The following CAMKMT variants were observed in gnomAD, a reference collection of about 807,000 sequenced individuals.
CAMKMT encodes the protein calmodulin-lysine N-methyltransferase.
A neutral mutation model predicts 48.0 loss-of-function variants in CAMKMT; 53 were observed. That is an observed-to-expected ratio of 1.10 (90% CI 0.89 to 1.39). The LOEUF is 1.39. Among genes scored for constraint, CAMKMT ranks in the 40% most tolerant of loss-of-function variants. The probability of loss-of-function intolerance (pLI) is 0.00; values close to 1 mark genes in which losing one functional copy is unlikely to be tolerated. For synonymous variants in CAMKMT, 165 were observed against 152.3 expected (o/e 1.08, Z -0.61); for missense variants, 428 against 402.7 (o/e 1.06, Z -0.54).
At chr2:44,746,070 G>A (rs1308787420) in intron 8 of CAMKMT, among the ~76,000 whole-genome samples, 2 of 152,206 alleles carry the variant, frequency 1.3e-5, no homozygotes, top group Non-Finnish European at 2.9e-5. Context: ...TCAGTGTCAG[G>A]AAGAGGTGCC....
intron 3 of CAMKMT, among the ~76,000 whole-genome samples, chr2:44,467,654 A>G (rs1185227691): frequency 6.6e-6 from 1 of 152,218 alleles, no homozygotes; most frequent in African/African-American, 2.4e-5. Context: ...CTGGCATGAA[A>G]ACTAACATGT....
chr2:44,717,868 C>T (rs1191208303), intron 7 of CAMKMT, among the ~76,000 whole-genome samples: 1 of 151,710 alleles, frequency 6.6e-6, no homozygotes, highest in African/African-American at 2.4e-5. Flanking sequence ...AACAAGCTGC[C>T]CAGAAATTTG....
chr2:44,649,165 A>G (rs140416850), intron 3 of CAMKMT, among the ~76,000 whole-genome samples: 1 of 152,100 alleles, frequency 6.6e-6, no homozygotes, highest in Non-Finnish European at 1.5e-5. Flanking sequence ...GAGGGGGGGA[A>G]AATGGTTTGA....
At chr2:44,713,421 CTT>C (rs1677992215) in intron 6 of CAMKMT, among the ~76,000 whole-genome samples, 1 of 152,084 alleles carries the variant, frequency 6.6e-6, no homozygotes, top group African/African-American at 2.4e-5. Flanking sequence ...TCAGCTGACT[CTT>C]TACTAATTTT....
At position 44,653,856 on chromosome 2, in the gene CAMKMT, T is replaced by C. The variant is rs1674219325; in HGVS notation, c.377-50427T>C. ...CTGACACATAGTAGACATCAATTAATATTTGTTGAGTGAAAGAATGAAACC... is the reference window on the plus strand; with the variant it reads ...CTGACACATAGTAGACATCAATTAACATTTGTTGAGTGAAAGAATGAAACC... On this transcript the variant is annotated intron_variant, in intron 3 of 10. Transcript: ENST00000378494. The surrounding 1 kb of genome is among the most constrained non-coding windows in gnomAD (Gnocchi z 5.2). Among the ~76,000 whole-genome samples the C allele has an allele frequency of 6.6e-6, 1 of 152,218 alleles. No homozygotes were observed.
At chr2:44,632,727 C>A (rs1572960263) in intron 3 of CAMKMT, among the ~76,000 whole-genome samples, 1 of 152,150 alleles carries the variant, frequency 6.6e-6, no homozygotes, top group East Asian at 1.9e-4. Context: ...TCCCTTTAAT[C>A]TGGGCCGGCA....
intron 3 of CAMKMT, among the ~76,000 whole-genome samples, chr2:44,432,556 C>T (rs948735707): frequency 2.0e-5 from 3 of 152,156 alleles, no homozygotes; most frequent in Non-Finnish European, 4.4e-5. Flanking sequence ...CAAGGAGCCA[C>T]GAAGTAATTA....
intron 3 of CAMKMT, among the ~76,000 whole-genome samples, chr2:44,439,534 T>C (rs527282720): frequency 6.6e-6 from 1 of 152,234 alleles, no homozygotes; most frequent in African/African-American, 2.4e-5. Context: ...CTGCTGATAC[T>C]GGATTCAAGA....
chr2:44,641,162 C>A (rs1673432195), intron 3 of CAMKMT, among the ~76,000 whole-genome samples: 1 of 152,140 alleles, frequency 6.6e-6, no homozygotes, highest in Non-Finnish European at 1.5e-5. Context: ...ATATAAATAT[C>A]TTCTTAAATG....
At chr2:44,673,099 G>A (rs920823942) in intron 3 of CAMKMT, among the ~76,000 whole-genome samples, 1 of 151,912 alleles carries the variant, frequency 6.6e-6, no homozygotes, top group Non-Finnish European at 1.5e-5. Context: ...TGGCACTACG[G>A]GCAAAGGAAG....
chr2:44,414,435 G>A (rs188293017), intron 3 of CAMKMT, among the ~76,000 whole-genome samples: 22 of 152,208 alleles, frequency 1.4e-4, no homozygotes, highest in African/African-American at 5.3e-4. Flanking sequence ...TCACTCACAT[G>A]GTTGTTGGCA....
chr2:44,420,592 C>CT (rs1683871086), intron 3 of CAMKMT, among the ~76,000 whole-genome samples: 1 of 151,324 alleles, frequency 6.6e-6, no homozygotes, highest in Admixed American at 6.6e-5. Flanking sequence ...TTTTTCTCTT[C>CT]TTTTTGTGAA....
intron 3 of CAMKMT, among the ~76,000 whole-genome samples, chr2:44,403,503 G>T (rs941414249): frequency 6.6e-6 from 1 of 152,246 alleles, no homozygotes; most frequent in East Asian, 1.9e-4. Context: ...GTCCATCCTT[G>T]TACTCTACTC....
At chr2:44,693,484 C>T (rs572546550) in intron 3 of CAMKMT, among the ~76,000 whole-genome samples, 1 of 152,330 alleles carries the variant, frequency 6.6e-6, no homozygotes, top group African/African-American at 2.4e-5. Context: ...CTTCTGTGGA[C>T]CACTTCTTCC....
intron 3 of CAMKMT, among the ~76,000 whole-genome samples, chr2:44,495,433 C>T (rs914404679): frequency 3.9e-5 from 6 of 151,998 alleles, no homozygotes; most frequent in Admixed American, 6.5e-5. Flanking sequence ...TGTGAGCCAC[C>T]GTGCACAGCC....
At chr2:44,490,211 GTTTAA>G (rs1471810228) in intron 3 of CAMKMT, among the ~76,000 whole-genome samples, 1 of 152,100 alleles carries the variant, frequency 6.6e-6, no homozygotes, top group Admixed American at 6.5e-5. Flanking sequence ...ATTCCAAAGT[GTTTAA>G]TTATATAATT....
chr2:44,479,447 G>A (rs148771487), intron 3 of CAMKMT, among the ~76,000 whole-genome samples: 2 of 152,250 alleles, frequency 1.3e-5, no homozygotes, highest in Non-Finnish European at 2.9e-5. Flanking sequence ...AGATTCAGGC[G>A]GAAGTTGGAG....
chr2:44,400,816 A>C (rs1356634719), intron 3 of CAMKMT: 1 of 151,094 alleles, frequency 6.6e-6, no homozygotes, highest in Non-Finnish European at 1.5e-5. Flanking sequence ...TACTTATTTG[A>C]GTTAAAATTG....
In CAMKMT at chr2:44,451,128, A is replaced by T. The variant is rs1042514015; in HGVS notation, c.376+60823A>T. On this transcript the variant is annotated intron_variant, in intron 3 of 10. Coordinates refer to ENST00000378494, the MANE Select transcript of CAMKMT (RefSeq NM_024766.5). ...ATAAAATAAGTGAAAAGCACAAAGG[A>T]TGTAAACTTCCTAAATCTGCCAGAA... Among the ~76,000 whole-genome samples the T allele has an allele frequency of 2.0e-5, 3 of 152,120 alleles. No homozygotes were observed. The South Asian group carries it at 6.2e-4, about 31-fold the overall frequency.
Sources: allele counts gnomAD v4.1 joint callset (sites outside exome capture counted in the v4.1 genomes callset), GRCh38; gene constraint gnomAD v4.1.1; non-coding constraint Gnocchi (gnomAD v3.1); transcripts MANE v1.5; gene names NCBI Gene and HGNC (gene_info 2026-07-23, HGNC 2026-07-21).